Variants in INSL6 observed in about 807,000 individuals in gnomAD.
The protein encoded by INSL6 is insulin-like peptide INSL6.
In INSL6, 16 loss-of-function variants were observed where a neutral mutation model predicts 9.4. The ratio of observed to expected loss-of-function variants is 1.70; its 90% CI spans 1.15 to 2.59. INSL6 has a LOEUF of 2.59. Among genes scored for constraint, INSL6 ranks in the 30% most tolerant of loss-of-function variants. INSL6 has a pLI of 0.00. For synonymous variants in INSL6, 154 were observed against 96.9 expected, an observed-to-expected ratio of 1.59 and a Z score of -3.46; for missense variants, 391 against 257.3, an observed-to-expected ratio of 1.52 and a Z score of -3.56.
At chr9:5,057,418 T>G in the INSL6 span, among the ~76,000 whole-genome samples, 1 of 152,050 alleles carries the variant, frequency 6.6e-6, no homozygotes, top group Non-Finnish European at 1.5e-5. Flanking sequence ...AAATTTAGCA[T>G]CTTAACCATT....
chr9:5,072,388 T>G, the INSL6 span: 1 of 755,890 alleles, frequency 1.3e-6, no homozygotes, highest in Admixed American at 3.4e-5. Flanking sequence ...GGAAAATACT[T>G]GCTTATGGAT....
the INSL6 span, among the ~76,000 whole-genome samples, chr9:5,013,661 C>G: frequency 6.6e-6 from 1 of 152,146 alleles, no homozygotes; most frequent in African/African-American, 2.4e-5. Flanking sequence ...TGTCAAAATT[C>G]TATTTTCCTT....
chr9:5,077,342 A>G, the INSL6 span: 103 of 385,514 alleles, frequency 2.7e-4, no homozygotes, highest in African/African-American at 1.6e-3. Flanking sequence ...AGTTTTGCCA[A>G]TTTAATTTCT....
At chr9:5,184,266 A>G (rs1474132284) in intron 1 of INSL6, among the ~76,000 whole-genome samples, 1 of 152,196 alleles carries the variant, frequency 6.6e-6, no homozygotes, top group African/African-American at 2.4e-5. Context: ...AATTTCAGAA[A>G]TCTTCACTTT....
the INSL6 span, chr9:5,022,192 A>G: frequency 1.2e-6 from 2 of 1,613,756 alleles, no homozygotes; most frequent in Non-Finnish European, 1.7e-6. Context: ...AGAAATCTGT[A>G]TTGCTGCTTC....
At chr9:5,000,627 T>C in the INSL6 span, among the ~76,000 whole-genome samples, 2 of 152,212 alleles carry the variant, frequency 1.3e-5, no homozygotes, top group South Asian at 2.1e-4. Flanking sequence ...TTATGTTTCA[T>C]CATGGCCAAT....
At chr9:5,151,102 G>A (rs1824704235) in intron 2 of INSL6, among the ~76,000 whole-genome samples, 1 of 152,076 alleles carries the variant, frequency 6.6e-6, no homozygotes, top group Admixed American at 6.5e-5. Context: ...GGGGGTGGAG[G>A]TGGATGATGA....
At chr9:5,153,672 T>C (rs780092917) in intron 2 of INSL6, among the ~76,000 whole-genome samples, 2 of 152,170 alleles carry the variant, frequency 1.3e-5, no homozygotes, top group Non-Finnish European at 2.9e-5. Flanking sequence ...AGCATTCTTA[T>C]ACACCAATAA....
the INSL6 span, among the ~76,000 whole-genome samples, chr9:5,076,521 A>G: frequency 2.6e-5 from 4 of 152,100 alleles, no homozygotes; most frequent in African/African-American, 7.2e-5. Flanking sequence ...AAAAAGATAT[A>G]TTCTTTGTTT....
At chr9:5,178,726 G>A (rs1481785230) in intron 1 of INSL6, among the ~76,000 whole-genome samples, 6 of 152,080 alleles carry the variant, frequency 3.9e-5, no homozygotes, top group Non-Finnish European at 2.9e-5. Flanking sequence ...ACAACCATAC[G>A]ATCTTGGACA....
At chr9:5,010,934 C>G in the INSL6 span, among the ~76,000 whole-genome samples, 2 of 152,136 alleles carry the variant, frequency 1.3e-5, no homozygotes, top group Non-Finnish European at 2.9e-5. Context: ...TGACAGCTTT[C>G]CCCCTCTCCC....
At chr9:5,133,930 A>G (rs1445499602) in intron 2 of INSL6, among the ~76,000 whole-genome samples, 1 of 150,524 alleles carries the variant, frequency 6.6e-6, no homozygotes, top group Non-Finnish European at 1.5e-5. Context: ...ACCCAATGCA[A>G]GGAAGCTAAG....
At chr9:5,030,354 A>C in the INSL6 span, among the ~76,000 whole-genome samples, 1 of 152,184 alleles carries the variant, frequency 6.6e-6, no homozygotes, top group African/African-American at 2.4e-5. Context: ...AAGTTAATTT[A>C]TATAATTTAT....
At chr9:5,111,599 C>G in the INSL6 span, 1 of 368,652 alleles carries the variant, frequency 2.7e-6, no homozygotes, top group Non-Finnish European at 5.3e-6. Flanking sequence ...CTGGAGTTCC[C>G]TGGGCCAGGT....
the INSL6 span, among the ~76,000 whole-genome samples, chr9:5,008,112 G>A: frequency 1.3e-5 from 2 of 152,192 alleles, no homozygotes; most frequent in South Asian, 4.1e-4. Flanking sequence ...ATTTTTATGC[G>A]ATATTCTTCA....
chr9:5,092,691 C>G, the INSL6 span, among the ~76,000 whole-genome samples: 1 of 152,164 alleles, frequency 6.6e-6, no homozygotes, highest in East Asian at 1.9e-4. Flanking sequence ...TAGCCAAGTC[C>G]CCCGAAACCA....
chr9:5,025,555 A>C, the INSL6 span, among the ~76,000 whole-genome samples: 6 of 124,496 alleles, frequency 4.8e-5, no homozygotes, highest in Admixed American at 5.1e-4. Context: ...TTTTTTTGAG[A>C]CTGAGTCTTG....
At chr9:5,104,497 A>G in the INSL6 span, among the ~76,000 whole-genome samples, 1 of 152,224 alleles carries the variant, frequency 6.6e-6, no homozygotes, top group Non-Finnish European at 1.5e-5. Flanking sequence ...AGGAGCTGAT[A>G]CCATTCCTTC....
the INSL6 span, chr9:5,085,590 A>G: frequency 3.7e-4 from 255 of 696,124 alleles, 1 homozygote; most frequent in East Asian, 6.5e-3. Context: ...CCCCACCTAT[A>G]GATACTACAG....
Sources: allele counts gnomAD v4.1 joint callset (sites outside exome capture counted in the v4.1 genomes callset), GRCh38; gene constraint gnomAD v4.1.1; transcripts MANE v1.5; gene names NCBI Gene and HGNC (gene_info 2026-07-23, HGNC 2026-07-21).